Variants in PCDHGA7 observed in about 807,000 individuals in gnomAD.
PCDHGA7 encodes protocadherin gamma subfamily A, 7.
In PCDHGA7, 44 loss-of-function variants were observed where a neutral mutation model predicts 58.3. The observed-to-expected ratio is 0.75, with a 90% CI of 0.59 to 0.97. The LOEUF (loss-of-function observed/expected upper bound fraction) is 0.97. Ranked by LOEUF, PCDHGA7 falls within the 50% of genes least tolerant of loss-of-function variation. PCDHGA7 has a pLI of 0.00. For synonymous variants in PCDHGA7, 516 were observed against 504.2 expected (o/e 1.02, Z -0.31); for missense variants, 1,266 against 1,188.7 (o/e 1.06, Z -0.96).
At chr5:141,400,316 A>C in intron 1 of PCDHGA7, 1 of 1,614,042 alleles carries the variant, frequency 6.2e-7, no homozygotes. Flanking sequence ...CTCTGTGTCA[A>C]GTCTGGACCT....
chr5:141,423,706 A>C (rs1045905298), intron 1 of PCDHGA7: 1 of 1,231,762 alleles, frequency 8.1e-7, no homozygotes, highest in Admixed American at 3.4e-5. Context: ...TCTTGGCACA[A>C]GTCTTTTAAG....
intron 1 of PCDHGA7, chr5:141,400,133 C>G: frequency 3.7e-6 from 6 of 1,614,066 alleles, no homozygotes; most frequent in Non-Finnish European, 5.1e-6. Flanking sequence ...GAGGTGCTGC[C>G]GGATATCACT....
chr5:141,491,048 C>G lies in PCDHGA7; in HGVS notation c.2425-3759C>G. On this transcript the variant is annotated intron_variant, in intron 1 of 3. Coordinates refer to ENST00000518325, the MANE Select transcript of PCDHGA7 (RefSeq NM_018920.4). The surrounding 1 kb of genome is among the most constrained non-coding windows in gnomAD (Gnocchi z 6.9). ...GTGGATGCTGATGCAGGCCACAATGCGTGGCTCTCCTACTCACTGTTGCCA... is the reference window on the plus strand; with the variant it reads ...GTGGATGCTGATGCAGGCCACAATGGGTGGCTCTCCTACTCACTGTTGCCA... 1.2e-6 allele frequency: 2 copies of G among 1,614,066 alleles called. No individual in the cohort carries two copies. Among genetic ancestry groups the G allele is most frequent in the Non-Finnish European group, 8.5e-7 (1 of 1,179,952 alleles).
chr5:141,401,000 C>T (rs113065470), intron 1 of PCDHGA7, among the ~76,000 whole-genome samples: 2 of 152,218 alleles, frequency 1.3e-5, no homozygotes, highest in Non-Finnish European at 2.9e-5. Flanking sequence ...CTTTCTTATT[C>T]CTACCTAATG....
chr5:141,501,288 TATACACAC>T (rs1482707793), intron 2 of PCDHGA7, among the ~76,000 whole-genome samples: 1 of 81,228 alleles, frequency 1.2e-5, no homozygotes, highest in African/African-American at 4.9e-5. Flanking sequence ...GATATTCCCT[TATACACAC>T]ACACACACAC....
At chr5:141,460,010 G>A (rs376180479) in intron 1 of PCDHGA7, among the ~76,000 whole-genome samples, 1 of 152,126 alleles carries the variant, frequency 6.6e-6, no homozygotes, top group Admixed American at 6.5e-5. Context: ...CCCAGGAGGC[G>A]GAGGTTGCAG....
intron 1 of PCDHGA7, chr5:141,399,485 A>G (rs760899297): frequency 4.7e-5 from 76 of 1,613,904 alleles, no homozygotes; most frequent in Non-Finnish European, 6.1e-5. Context: ...CAGGCGTCCT[A>G]CTTAGTCAGT....
At chr5:141,389,014 A>G (rs768171301) in intron 1 of PCDHGA7, 54 of 1,614,000 alleles carry the variant, frequency 3.3e-5, no homozygotes, top group Non-Finnish European at 4.5e-5. Flanking sequence ...TCCAGACACA[A>G]TGGAGAAGTG....
At chr5:141,478,295 T>C (rs1210224121) in intron 1 of PCDHGA7, 5 of 1,614,004 alleles carry the variant, frequency 3.1e-6, no homozygotes, top group African/African-American at 2.7e-5. Flanking sequence ...TAGAGACCTA[T>C]ACCGAGCCCC....
At chr5:141,399,979 C>A (rs1402446986) in intron 1 of PCDHGA7, 5 of 1,612,154 alleles carry the variant, frequency 3.1e-6, no homozygotes, top group Non-Finnish European at 4.2e-6. Context: ...CCTGGGGCTG[C>A]GCACAGGAGA....
intron 1 of PCDHGA7, among the ~76,000 whole-genome samples, chr5:141,430,159 A>G (rs1324343997): frequency 6.6e-6 from 1 of 152,176 alleles, no homozygotes; most frequent in Non-Finnish European, 1.5e-5. Context: ...CAAGGAATCT[A>G]TTTAAAAATA....
At chr5:141,404,795 G>C (rs769293241) in intron 1 of PCDHGA7, 4 of 1,614,042 alleles carry the variant, frequency 2.5e-6, no homozygotes, top group Admixed American at 1.7e-5. Flanking sequence ...CAGTGAGCCA[G>C]GGCTCTTCTC....
chr5:141,509,051 A>G (rs1051961974), intron 3 of PCDHGA7, among the ~76,000 whole-genome samples: 1 of 152,166 alleles, frequency 6.6e-6, no homozygotes, highest in Admixed American at 6.5e-5. Context: ...CCCCGCCCCC[A>G]GAAAGCTCTC....
chr5:141,510,853 CTGT>C, intron 3 of PCDHGA7, 91 bp from the exon 4 acceptor site: 3 of 1,601,238 alleles, frequency 1.9e-6, no homozygotes, highest in Middle Eastern at 1.7e-4. Context: ...GCCCAGGGTG[CTGT>C]ATAGGCATTC....
At chr5:141,419,959 T>C (rs765017440) in intron 1 of PCDHGA7, 5 of 1,614,104 alleles carry the variant, frequency 3.1e-6, no homozygotes, top group Non-Finnish European at 3.4e-6. Flanking sequence ...CCTTGATTTC[T>C]GTGCTCTTTC....
Position 141,477,864 on chromosome 5 carries a change from G to A in PCDHGA7, c.2425-16943G>A, listed in dbSNP as rs775055164. On this transcript the variant is annotated intron_variant, in intron 1 of 3. Transcript: ENST00000518325. The surrounding 1 kb of genome is among the most constrained non-coding windows in gnomAD (Gnocchi z 4.9). Reference sequence around the variant, plus strand: ...AGCTCGGTGGAGATGCTGCCTCGAGGTACCTCAGCTGGCCACCTAGTGTCA... The same window carrying A: ...AGCTCGGTGGAGATGCTGCCTCGAGATACCTCAGCTGGCCACCTAGTGTCA... 1.2e-6 allele frequency: 2 copies of A among 1,613,122 alleles called. No homozygotes were observed. The highest frequency in any genetic ancestry group is 4.5e-5 in the East Asian group (2 of 44,822).
chr5:141,408,973 T>C (rs754120948), intron 1 of PCDHGA7: 8 of 1,613,718 alleles, frequency 5.0e-6, no homozygotes, highest in South Asian at 1.1e-5. Context: ...ATCTGCCCCC[T>C]GGGTCCCCTG....
At position 141,502,866 on chromosome 5, in the gene PCDHGA7, C is replaced by CTTTTTTTTTTT. The variant is rs549047197; in HGVS notation, c.2484-2523_2484-2513dup. Among the ~76,000 whole-genome samples the CTTTTTTTTTTT allele has an allele frequency of 4.4e-4, 56 of 128,014 alleles. 1 individual carries two copies. The highest frequency in any genetic ancestry group is 5.1e-4 in the Non-Finnish European group (32 of 62,412). The allele number at this position is 128,014 out of a possible 152,430, so 84.0% of individuals were successfully genotyped here. ...GAGCTGCCTAACCCTGACTCTCTGTCTTTTTTTTTTTTTTGACAGGGAGTC... is the reference window on the plus strand; with the variant it reads ...GAGCTGCCTAACCCTGACTCTCTGTCTTTTTTTTTTTTTTTTTTTTTTTTTGACAGGGAGTC... On this transcript the variant is annotated intron_variant, in intron 2 of 3. Coordinates refer to ENST00000518325, the MANE Select transcript of PCDHGA7 (RefSeq NM_018920.4).
At chr5:141,391,449 A>C (rs1432134490) in intron 1 of PCDHGA7, 2 of 152,026 alleles carry the variant, frequency 1.3e-5, no homozygotes, top group Admixed American at 1.3e-4. Context: ...ACTAGCTGGA[A>C]CTCAGGCTCA....
Sources: allele counts gnomAD v4.1 joint callset (sites outside exome capture counted in the v4.1 genomes callset), GRCh38; gene constraint gnomAD v4.1.1; non-coding constraint Gnocchi (gnomAD v3.1); transcripts MANE v1.5; gene names NCBI Gene and HGNC (gene_info 2026-07-23, HGNC 2026-07-21).